The following MICAL2 variants were observed in gnomAD, a reference collection of about 807,000 sequenced individuals.
MICAL2 encodes the protein [F-actin]-monooxygenase MICAL2.
In MICAL2, 77 loss-of-function variants were observed where a neutral mutation model predicts 127.3. The observed-to-expected ratio is 0.60, with a 90% CI of 0.50 to 0.73. MICAL2 has a LOEUF of 0.73. Among genes scored for constraint, MICAL2 ranks in the 30% least tolerant of loss-of-function variants. The pLI, the probability that MICAL2 is intolerant of heterozygous loss-of-function variation, is 0.00. For synonymous variants in MICAL2, 570 were observed against 551.1 expected (o/e 1.03, Z -0.48); for missense variants, 1,351 against 1,434.4 (o/e 0.94, Z 0.94).
chr11:12,214,473 A>G (rs1855899447), intron 7 of MICAL2, among the ~76,000 whole-genome samples: 1 of 152,172 alleles, frequency 6.6e-6, no homozygotes, highest in Non-Finnish European at 1.5e-5. Flanking sequence ...CATTCCAAAC[A>G]TCATCCTTCT....
At chr11:12,356,284 A>T (rs534918580) in intron 34 of MICAL2, among the ~76,000 whole-genome samples, 4 of 152,312 alleles carry the variant, frequency 2.6e-5, no homozygotes, top group African/African-American at 9.6e-5. Flanking sequence ...AAGGAAAAAA[A>T]ATAGGAACTC....
At chr11:12,316,786 G>A (rs1226900506) in intron 29 of MICAL2, among the ~76,000 whole-genome samples, 1 of 152,184 alleles carries the variant, frequency 6.6e-6, no homozygotes, top group East Asian at 1.9e-4. Context: ...AGGCAGTAAA[G>A]AATATTTGGC....
At chr11:12,204,785 G>A (rs1339336095) in intron 4 of MICAL2, among the ~76,000 whole-genome samples, 2 of 152,214 alleles carry the variant, frequency 1.3e-5, no homozygotes, top group East Asian at 3.9e-4. Flanking sequence ...AGAAACAGAG[G>A]CAGAGGTAAA....
At chr11:12,308,225 C>T (rs946703290) in intron 29 of MICAL2, 14 of 152,216 alleles carry the variant, frequency 9.2e-5, no homozygotes, top group African/African-American at 3.4e-4. Flanking sequence ...GAAAGTCTTA[C>T]AACTTTGTTT....
chr11:12,286,548 G>A (rs190596332), intron 2 of MICAL2, among the ~76,000 whole-genome samples: 9 of 152,260 alleles, frequency 5.9e-5, no homozygotes, highest in Admixed American at 3.3e-4. Context: ...CATTCTCTGA[G>A]GGTGGTACCT....
At chr11:12,220,142 G>T in intron 8 of MICAL2, 59 bp from the exon 9 acceptor site, 1 of 1,599,176 alleles carries the variant, frequency 6.3e-7, no homozygotes, top group Non-Finnish European at 8.5e-7. Context: ...CAAGAGGTGG[G>T]TATGAAGGCT....
intron 2 of MICAL2, among the ~76,000 whole-genome samples, chr11:12,160,478 C>T (rs533114217): frequency 6.6e-5 from 10 of 152,276 alleles, no homozygotes; most frequent in African/African-American, 1.7e-4. Context: ...CCACCACGTG[C>T]GCTGGACATC....
chr11:12,234,777 C>A (rs1349688922), intron 15 of MICAL2, among the ~76,000 whole-genome samples: 1 of 152,096 alleles, frequency 6.6e-6, no homozygotes, highest in Admixed American at 6.5e-5. Context: ...GGAGGGGATG[C>A]GTACTGGGTT....
At position 12,208,137 on chromosome 11, in the gene MICAL2, A is replaced by G. The variant is rs747759346; in HGVS notation, c.587A>G (p.Gln196Arg). Residue 196 changes from glutamine to arginine, a missense_variant and splice_region_variant, in exon 5 of 28, where the codon CAA becomes CGA. Around this residue, in one of 2 missense-constraint regions of MICAL2, gnomAD observed 599 missense variants for 714.9 expected, o/e 0.84. Transcript: ENST00000683283. The part of the protein sequence containing the change: ...VLEPPEDQEN[Q>R]KIGWRAEFLP... ...GAGCCTCCTGAAGATCAAGAAAATCAAAGTACAGTATAATTTTCTTTTTCT... is the reference window on the plus strand; with the variant it reads ...GAGCCTCCTGAAGATCAAGAAAATCGAAGTACAGTATAATTTTCTTTTTCT... 3 of 1,607,968 alleles carry G rather than the reference A, an allele frequency of 1.9e-6. No individual in the cohort carries two copies. The East Asian group carries it at 6.7e-5, about 36-fold the overall frequency.
chr11:12,167,525 A>C (rs992863228), intron 3 of MICAL2, among the ~76,000 whole-genome samples: 2 of 152,100 alleles, frequency 1.3e-5, no homozygotes, highest in African/African-American at 4.8e-5. Flanking sequence ...GGCCTGGATA[A>C]ACCTGTCTGA....
chr11:12,189,516 A>C (rs1858792261), intron 3 of MICAL2, among the ~76,000 whole-genome samples: 1 of 152,198 alleles, frequency 6.6e-6, no homozygotes, highest in Admixed American at 6.5e-5. Flanking sequence ...CTAGGGTAGC[A>C]GTTTCCAAAT....
chr11:12,144,529 G>A (rs1590060312), intron 2 of MICAL2, among the ~76,000 whole-genome samples: 1 of 152,270 alleles, frequency 6.6e-6, no homozygotes, highest in African/African-American at 2.4e-5. Context: ...TCTGAGTGTG[G>A]CCTGGAGAGG....
downstream of MICAL2, among the ~76,000 whole-genome samples, chr11:12,268,652 C>T (rs748274720): frequency 7.9e-5 from 12 of 152,242 alleles, no homozygotes; most frequent in Admixed American, 3.9e-4. Flanking sequence ...GCTGCCTGCC[C>T]GGCAGCAGAG....
intron 15 of MICAL2, 165 bp downstream of exon 15, chr11:12,227,296 A>G: frequency 6.8e-6 from 4 of 588,170 alleles, no homozygotes; most frequent in Non-Finnish European, 9.1e-6. Flanking sequence ...TGTTTTTGGA[A>G]GTTCTTCCTG....
Position 12,169,792 on chromosome 11 carries a change from C to T in MICAL2, c.264+7373C>T, listed in dbSNP as rs148941442. On this transcript the variant is annotated intron_variant, in intron 3 of 27. Coordinates refer to ENST00000683283, the MANE Select transcript of MICAL2 (RefSeq NM_001282663.2). The stretch of plus-strand genomic sequence containing the variant: ...TTTGTATACGTGTGAAATTGTGAGA[C>T]AAAGGGTATGTGTGCTACATTTAAA... 2.6e-4 allele frequency among the ~76,000 whole-genome samples: 39 copies of T among 152,302 alleles called. 1 individual carries two copies. The highest frequency in any genetic ancestry group is 5.1e-4 in the African/African-American group (21 of 41,558).
At chr11:12,330,377 C>G (rs985571204) in intron 32 of MICAL2, among the ~76,000 whole-genome samples, 2 of 152,142 alleles carry the variant, frequency 1.3e-5, no homozygotes, top group Admixed American at 1.3e-4. Context: ...AAAATGATCA[C>G]AGTTAGGCAA....
At chr11:12,359,689 G>A (rs745610174), downstream of MICAL2, among the ~76,000 whole-genome samples, 1 of 152,122 alleles carries the variant, frequency 6.6e-6, no homozygotes, top group Non-Finnish European at 1.5e-5. Flanking sequence ...GTTCCCATGG[G>A]GGCCAAAGAA....
intron 15 of MICAL2, among the ~76,000 whole-genome samples, chr11:12,230,379 C>A (rs1858078217): frequency 6.6e-6 from 1 of 152,158 alleles, no homozygotes; most frequent in African/African-American, 2.4e-5. Context: ...GATATCAGTA[C>A]AACAAAACAC....
At chr11:12,175,495 C>T (rs1454990585) in intron 3 of MICAL2, among the ~76,000 whole-genome samples, 2 of 151,912 alleles carry the variant, frequency 1.3e-5, no homozygotes, top group African/African-American at 4.8e-5. Context: ...AAAAAGAAAA[C>T]AGACAAAATC....
Sources: allele counts gnomAD v4.1 joint callset (sites outside exome capture counted in the v4.1 genomes callset), GRCh38; gene constraint gnomAD v4.1.1; regional missense constraint gnomAD v4.1.1; transcripts MANE v1.5; gene names NCBI Gene and HGNC (gene_info 2026-07-23, HGNC 2026-07-21).